MALRD1: variants seen among roughly 807,000 people sequenced by gnomAD.
The protein encoded by MALRD1 is MAM and LDL-receptor class A domain-containing protein 1.
MALRD1 carries 247 observed loss-of-function variants against 242.1 expected under a neutral mutation model. The ratio of observed to expected loss-of-function variants is 1.02; its 90% CI spans 0.92 to 1.13. The LOEUF (loss-of-function observed/expected upper bound fraction) is 1.13. Among genes scored for constraint, MALRD1 ranks in the 50% most tolerant of loss-of-function variants. The probability of loss-of-function intolerance (pLI) is 0.00; values close to 1 mark genes in which losing one functional copy is unlikely to be tolerated. For missense variants in MALRD1, 2,989 were observed against 2,533.1 expected (o/e 1.18, Z -3.86); for synonymous variants, 995 against 866.6 (o/e 1.15, Z -2.60).
chr10:19,597,150 C>T (rs1340645481), intron 34 of MALRD1, among the ~76,000 whole-genome samples: 1 of 152,138 alleles, frequency 6.6e-6, no homozygotes, highest in East Asian at 1.9e-4. Flanking sequence ...CCTGTCAGGT[C>T]TTCTAATCTT....
chr10:19,154,770 G>T (rs557762132), intron 11 of MALRD1, among the ~76,000 whole-genome samples: 1 of 152,152 alleles, frequency 6.6e-6, no homozygotes, highest in East Asian at 1.9e-4. Context: ...ATATCTAATT[G>T]TCAGCTTAGA....
chr10:19,418,469 C>T (rs1044217001), intron 28 of MALRD1, among the ~76,000 whole-genome samples: 1 of 152,130 alleles, frequency 6.6e-6, no homozygotes, highest in African/African-American at 2.4e-5. Context: ...TGAACTCCAA[C>T]AGCCACTGCT....
chr10:19,711,942 C>G (rs959460418), intron 38 of MALRD1, among the ~76,000 whole-genome samples: 7 of 152,028 alleles, frequency 4.6e-5, no homozygotes, highest in African/African-American at 1.4e-4. Flanking sequence ...GGAAGAGGAG[C>G]TGGTCAAAAG....
intron 28 of MALRD1, among the ~76,000 whole-genome samples, chr10:19,399,620 T>C: frequency 6.6e-6 from 1 of 152,174 alleles, no homozygotes; most frequent in South Asian, 2.1e-4. Flanking sequence ...TTCACTCTTG[T>C]ATGCATTGAT....
intron 23 of MALRD1, among the ~76,000 whole-genome samples, chr10:19,330,001 T>A (rs1449117572): frequency 1.3e-5 from 2 of 152,178 alleles, no homozygotes; most frequent in Admixed American, 1.3e-4. Context: ...TATGTTGAAA[T>A]TTTAGACTAT....
chr10:19,085,220 A>G (rs1335815587), intron 2 of MALRD1, among the ~76,000 whole-genome samples: 1 of 151,980 alleles, frequency 6.6e-6, no homozygotes. Context: ...GAGAAAAGTT[A>G]TGCTGTCAAA....
At chr10:19,073,678 T>C (rs1017041693) in intron 2 of MALRD1, among the ~76,000 whole-genome samples, 5 of 152,118 alleles carry the variant, frequency 3.3e-5, no homozygotes, top group African/African-American at 1.2e-4. Context: ...CATGTGCAAA[T>C]ATTTCAAAAT....
intron 36 of MALRD1, among the ~76,000 whole-genome samples, chr10:19,662,450 C>G (rs1444812300): frequency 6.6e-6 from 1 of 152,120 alleles, no homozygotes; most frequent in East Asian, 1.9e-4. Context: ...TGTTATTTAA[C>G]AAAATTAAAT....
intron 18 of MALRD1, among the ~76,000 whole-genome samples, chr10:19,231,341 A>T (rs1279051186): frequency 6.6e-6 from 1 of 152,150 alleles, no homozygotes; most frequent in Admixed American, 6.5e-5. Flanking sequence ...ACCCAGTTAA[A>T]TGTTCTCTAC....
chr10:19,185,892 GT>G (rs1464757337), intron 14 of MALRD1, among the ~76,000 whole-genome samples: 1 of 151,160 alleles, frequency 6.6e-6, no homozygotes, highest in African/African-American at 2.4e-5. Flanking sequence ...TCTGAAAAAT[GT>G]TTCTGAGTAG....
intron 28 of MALRD1, among the ~76,000 whole-genome samples, chr10:19,394,983 G>A (rs999995085): frequency 6.6e-6 from 1 of 152,158 alleles, no homozygotes; most frequent in African/African-American, 2.4e-5. Flanking sequence ...GTGATTCATA[G>A]AATCTAGATA....
intron 14 of MALRD1, among the ~76,000 whole-genome samples, chr10:19,176,857 CGTGCATGTGTGCATGTGTGTGTGTGTGT>C (rs1299462749): frequency 6.3e-5 from 9 of 141,946 alleles, no homozygotes; most frequent in Non-Finnish European, 1.2e-4. Flanking sequence ...TGTGTGTGTG[CGTGCATGTGTGCATGTGTGTGTGTGTGT>C]GTGCATGGGT....
rs1159683602 is a variant in MALRD1, at chr10:19,205,199, A to G, written c.2512A>G (p.Ile838Val). ...HFWCRHTRAC[I>V]EKLRLCDLVD... ...CTGGTGTCGCCACACCAGGGCTTGC[A>G]TAGAAAAGCTTCGGTTATGTGATCT... The change falls in exon 17 of 40, where the codon ATA (isoleucine) becomes GTA (valine). Residue 838 changes from isoleucine (I) to valine (V), a missense_variant. Ile to Val is a conservative substitution (Grantham distance 29). Coordinates refer to ENST00000454679, the MANE Select transcript of MALRD1 (RefSeq NM_001142308.3). 1.9e-6 allele frequency: 3 copies of G among 1,551,082 alleles called. No homozygotes were observed. Among genetic ancestry groups the G allele is most frequent in the South Asian group, 2.4e-5 (2 of 84,056 alleles).
intron 14 of MALRD1, among the ~76,000 whole-genome samples, chr10:19,183,162 A>G (rs991382012): frequency 7.1e-6 from 1 of 141,440 alleles, no homozygotes. Flanking sequence ...TAATTTTTAT[A>G]CTGTGAATCT....
At position 19,419,621 on chromosome 10, in the gene MALRD1, A is replaced by T. The variant is rs1833644172; in HGVS notation, c.4845+30012A>T. Among the ~76,000 whole-genome samples, 5 of 152,010 alleles carry T rather than the reference A, an allele frequency of 3.3e-5. 1 individual carries two copies. In the South Asian group the frequency reaches 8.3e-4, roughly 25 times the overall value. ...AGATGTGAGCCACCATGCCCGGCTG[A>T]TTTTCCTTCTTTCAAATGGAAAAAT... On this transcript the variant is annotated intron_variant, in intron 28 of 39. Transcript: ENST00000454679.
intron 31 of MALRD1, among the ~76,000 whole-genome samples, chr10:19,511,333 A>G (rs535974062): frequency 1.3e-5 from 2 of 152,152 alleles, no homozygotes; most frequent in South Asian, 2.1e-4. Context: ...TAAATTCTCT[A>G]CAAATAAAAA....
intron 26 of MALRD1, among the ~76,000 whole-genome samples, chr10:19,359,773 A>G (rs1844809970): frequency 4.0e-5 from 1 of 25,130 alleles, no homozygotes; most frequent in South Asian, 6.2e-4. Flanking sequence ...AAAAAAAATA[A>G]TTAAAGAACT....
chr10:19,508,467 G>A (rs1833244054), intron 31 of MALRD1, among the ~76,000 whole-genome samples: 1 of 152,142 alleles, frequency 6.6e-6, no homozygotes, highest in South Asian at 2.1e-4. Context: ...AGGTAGATTG[G>A]AATACCAAAT....
At chr10:19,401,318 CTTTAA>C (rs1486129166) in intron 28 of MALRD1, among the ~76,000 whole-genome samples, 3 of 152,070 alleles carry the variant, frequency 2.0e-5, no homozygotes, top group Non-Finnish European at 4.4e-5. Flanking sequence ...ACATATTTAG[CTTTAA>C]TTTAACTTCG....
Sources: allele counts gnomAD v4.1 joint callset (sites outside exome capture counted in the v4.1 genomes callset), GRCh38; gene constraint gnomAD v4.1.1; transcripts MANE v1.5; gene names NCBI Gene and HGNC (gene_info 2026-07-23, HGNC 2026-07-21).